Variants in THSD7A observed in about 807,000 individuals in gnomAD.
THSD7A encodes thrombospondin type-1 domain-containing protein 7A.
A neutral mutation model predicts 231.3 loss-of-function variants in THSD7A; 96 were observed. That is an observed-to-expected ratio of 0.41 (90% CI 0.35 to 0.49). The LOEUF (loss-of-function observed/expected upper bound fraction) is 0.49. Ranked by LOEUF, THSD7A falls within the 20% of genes least tolerant of loss-of-function variation. The pLI is 0.05. For synonymous variants in THSD7A, 940 were observed against 743.3 expected, an observed-to-expected ratio of 1.26 and a Z score of -4.30; for missense variants, 2,290 against 2,070.2, an observed-to-expected ratio of 1.11 and a Z score of -2.06.
intron 2 of THSD7A, among the ~76,000 whole-genome samples, chr7:11,616,993 G>C (rs1438171154): frequency 1.3e-5 from 2 of 152,078 alleles, no homozygotes; most frequent in African/African-American, 4.8e-5. Flanking sequence ...TGTGAATAAA[G>C]AGTATAAGCA....
At chr7:11,726,491 TG>T (rs1781552555) in intron 1 of THSD7A, among the ~76,000 whole-genome samples, 2 of 152,028 alleles carry the variant, frequency 1.3e-5, no homozygotes, top group Admixed American at 6.6e-5. Flanking sequence ...GCCCACTTTT[TG>T]GTACTCAGTC....
At chr7:11,723,154 T>A (rs544274802) in intron 1 of THSD7A, among the ~76,000 whole-genome samples, 1 of 151,890 alleles carries the variant, frequency 6.6e-6, no homozygotes, top group African/African-American at 2.4e-5. Flanking sequence ...CCATAAAAAA[T>A]GATGAGTTCA....
chr7:11,478,256 C>T (rs1046034339), intron 7 of THSD7A, among the ~76,000 whole-genome samples: 1 of 152,184 alleles, frequency 6.6e-6, no homozygotes, highest in Non-Finnish European at 1.5e-5. Context: ...GGCTGTGACA[C>T]CCCATACTGG....
chr7:11,519,302 AG>A (rs202089946), intron 6 of THSD7A, among the ~76,000 whole-genome samples: 3,814 of 152,232 alleles, frequency 0.025, 66 homozygotes, highest in Non-Finnish European at 0.039. Flanking sequence ...TTCTTCCTAC[AG>A]GCAACCACTA....
intron 6 of THSD7A, among the ~76,000 whole-genome samples, chr7:11,528,631 T>A (rs181498548): frequency 6.6e-6 from 1 of 152,312 alleles, no homozygotes; most frequent in African/African-American, 2.4e-5. Flanking sequence ...AACATTTTAA[T>A]GAGCTAATTT....
At chr7:11,789,656 TG>T (rs1486833741) in intron 1 of THSD7A, among the ~76,000 whole-genome samples, 1 of 152,152 alleles carries the variant, frequency 6.6e-6, no homozygotes, top group East Asian at 1.9e-4. Context: ...ACTATAGACA[TG>T]TTATATAGCA....
At chr7:11,678,813 A>G (rs998179311) in intron 1 of THSD7A, among the ~76,000 whole-genome samples, 2 of 152,200 alleles carry the variant, frequency 1.3e-5, no homozygotes, top group Admixed American at 6.5e-5. Context: ...ATTCCAAACA[A>G]TAGTAAAAGA....
intron 2 of THSD7A, among the ~76,000 whole-genome samples, chr7:11,606,241 C>T (rs1780728242): frequency 6.6e-6 from 1 of 152,130 alleles, no homozygotes; most frequent in Admixed American, 6.6e-5. Flanking sequence ...TTGAATTCTA[C>T]TTTGAGTGGC....
intron 6 of THSD7A, among the ~76,000 whole-genome samples, chr7:11,500,137 T>C (rs541817412): frequency 5.5e-4 from 84 of 152,204 alleles, no homozygotes; most frequent in Admixed American, 4.2e-3. Context: ...TGAAACTCTA[T>C]AAGCCAGAAG....
intron 13 of THSD7A, among the ~76,000 whole-genome samples, chr7:11,443,369 C>T (rs955253140): frequency 3.3e-5 from 5 of 151,784 alleles, no homozygotes; most frequent in African/African-American, 4.8e-5. Flanking sequence ...TTATATTTTT[C>T]TTGGTATCTA....
chr7:11,644,324 T>C (rs919957593), intron 1 of THSD7A, among the ~76,000 whole-genome samples: 15 of 151,944 alleles, frequency 9.9e-5, no homozygotes, highest in African/African-American at 3.6e-4. Flanking sequence ...TTATACTAAT[T>C]GAATTGATTT....
chr7:11,397,388 T>TA (rs1301576453), intron 23 of THSD7A, among the ~76,000 whole-genome samples: 1 of 152,174 alleles, frequency 6.6e-6, no homozygotes, highest in Non-Finnish European at 1.5e-5. Flanking sequence ...ACCCCTTCCT[T>TA]ACACCTTATA....
Position 11,402,072 on chromosome 7 carries a change from G to A in THSD7A, c.4238-104C>T, listed in dbSNP as rs185484066. On this transcript the variant is annotated intron_variant, in intron 22 of 27. Coordinates refer to ENST00000423059, the MANE Select transcript of THSD7A (RefSeq NM_015204.3). ...AGTAGGCAATGTTTCTGGTATCCCA[G>A]GCACACATAATATTTATAAGATTTA... 4.9e-4 allele frequency: 433 copies of A among 884,882 alleles called. 1 individual carries two copies. In the African/African-American group the frequency reaches 6.9e-3, roughly 14 times the overall value. 54.8% of individuals were successfully genotyped at this position (884,882 alleles called of 1,614,324 possible). A position where few individuals can be genotyped will look rare whatever the true frequency, so the allele number is the denominator to read the frequency against.
rs1422236632 is a variant in THSD7A, at chr7:11,375,164, C to T, written c.*630G>A. On this transcript the variant is annotated 3_prime_UTR_variant, in exon 28 of 28. Coordinates refer to ENST00000423059, the MANE Select transcript of THSD7A (RefSeq NM_015204.3). ...AAGACACTAGTACTTGTCCAGCATT[C>T]TTACTTTGGAGAGAGACAAGAAGTC... 2 of 151,928 alleles carry T rather than the reference C, an allele frequency of 1.3e-5. No individual in the cohort carries two copies. Among genetic ancestry groups the T allele is most frequent in the African/African-American group, 4.8e-5 (2 of 41,402 alleles). 9.4% of individuals were successfully genotyped at this position (151,928 alleles called of 1,614,324 possible).
chr7:11,728,946 T>C (rs1349361388), intron 1 of THSD7A, among the ~76,000 whole-genome samples: 1 of 151,782 alleles, frequency 6.6e-6, no homozygotes, highest in African/African-American at 2.4e-5. Context: ...CTAAAGTAAA[T>C]AATATTTTGA....
chr7:11,484,186 G>C (rs989179369), intron 6 of THSD7A, among the ~76,000 whole-genome samples: 2 of 151,936 alleles, frequency 1.3e-5, no homozygotes, highest in Non-Finnish European at 1.5e-5. Flanking sequence ...TTCCCTGATG[G>C]TTTTAGAATG....
chr7:11,807,495 A>G (rs1011667754), intron 1 of THSD7A, among the ~76,000 whole-genome samples: 10 of 152,146 alleles, frequency 6.6e-5, no homozygotes, highest in Non-Finnish European at 1.3e-4. Flanking sequence ...TATAAAATAA[A>G]GTAAAATTAT....
intron 1 of THSD7A, among the ~76,000 whole-genome samples, chr7:11,666,507 T>C (rs1011220239): frequency 6.6e-6 from 1 of 152,056 alleles, no homozygotes; most frequent in African/African-American, 2.4e-5. Flanking sequence ...ATTTAACTTG[T>C]TGTTAACTTA....
At chr7:11,500,617 A>C (rs1787291851) in intron 6 of THSD7A, among the ~76,000 whole-genome samples, 1 of 152,054 alleles carries the variant, frequency 6.6e-6, no homozygotes. Flanking sequence ...AAGGGATGGA[A>C]AAAAATCTAC....
Sources: allele counts gnomAD v4.1 joint callset (sites outside exome capture counted in the v4.1 genomes callset), GRCh38; gene constraint gnomAD v4.1.1; transcripts MANE v1.5; gene names NCBI Gene and HGNC (gene_info 2026-07-23, HGNC 2026-07-21).